PLAGL1: variants seen among roughly 807,000 people sequenced by gnomAD.
PLAGL1 encodes PLAG1 like zinc finger 1, also known as zinc finger protein PLAGL1.
PLAGL1 carries 1 observed loss-of-function variant against 4.6 expected under a neutral mutation model. That is an observed-to-expected ratio of 0.22 (90% CI 0.08 to 1.03). PLAGL1 has a LOEUF of 1.03. Ranked by LOEUF, PLAGL1 falls within the 50% of genes least tolerant of loss-of-function variation. PLAGL1 has a pLI of 0.58. For synonymous variants in PLAGL1, 240 were observed against 237.8 expected (o/e 1.01, Z -0.08); for missense variants, 464 against 570.4 (o/e 0.81, Z 1.90).
intron 7 of PLAGL1, among the ~76,000 whole-genome samples, chr6:143,943,952 C>G (rs1380763201): frequency 6.6e-6 from 1 of 152,178 alleles, no homozygotes; most frequent in Admixed American, 6.5e-5. Context: ...CATCCTTAAG[C>G]TTTAAAAAGG....
chr6:144,054,776 A>AGTGTGTGT (rs55975441), intron 1 of PLAGL1, among the ~76,000 whole-genome samples: 1,575 of 142,238 alleles, frequency 0.011, 18 homozygotes, highest in African/African-American at 0.034. Flanking sequence ...ACTAAAAAAG[A>AGTGTGTGT]GTGTGTGTGT....
At chr6:144,018,098 G>T (rs1010654644) in intron 1 of PLAGL1, among the ~76,000 whole-genome samples, 1 of 152,070 alleles carries the variant, frequency 6.6e-6, no homozygotes, top group African/African-American at 2.4e-5. Flanking sequence ...GTAGCCATCA[G>T]AGTAATAATG....
chr6:144,045,688 G>C (rs938087169), intron 1 of PLAGL1, among the ~76,000 whole-genome samples: 35 of 152,150 alleles, frequency 2.3e-4, no homozygotes, highest in Non-Finnish European at 4.4e-4. Flanking sequence ...TTCTCAAGGA[G>C]TATCTTTGTG....
In PLAGL1 at chr6:143,941,288, A is replaced by ATCATC. The variant is rs1778517408; in HGVS notation, c.*131_*135dup. 1.6e-6 allele frequency: 1 copy of ATCATC among 620,660 alleles called. No homozygotes were observed. Among genetic ancestry groups the ATCATC allele is most frequent in the African/African-American group, 1.8e-5 (1 of 54,252 alleles). The allele number at this position is 620,660 out of a possible 1,614,324, so 38.4% of individuals were successfully genotyped here. ...ATACATGCAGTTCGAGAATTCTCTT[A>ATCATC]TCATCTCAAGCCAGTCATCACTGAA... On this transcript the variant is annotated 3_prime_UTR_variant, in exon 8 of 8. Coordinates refer to ENST00000674357, the MANE Select transcript of PLAGL1 (RefSeq NM_001317162.2). This position sits in a 1 kb window ranked among gnomAD's most constrained non-coding sequence, Gnocchi z 6.0.
rs1791123596 is a variant in PLAGL1, at chr6:143,994,040, A to T, written c.-583-8866T>A. On this transcript the variant is annotated intron_variant, in intron 1 of 7. Coordinates refer to ENST00000674357, the MANE Select transcript of PLAGL1 (RefSeq NM_001317162.2). This position sits in a 1 kb window ranked among gnomAD's most constrained non-coding sequence, Gnocchi z 4.3. ...ATGTTCACTTCATATATGGCTAAGG[A>T]AAAAAAAAAAAAGAAAAGAACTCCC... 7.7e-6 allele frequency among the ~76,000 whole-genome samples: 1 copy of T among 129,210 alleles called. No individual in the cohort carries two copies. The highest frequency in any genetic ancestry group is 2.6e-5 in the African/African-American group (1 of 38,540). 84.8% of individuals were successfully genotyped at this position (129,210 alleles called of 152,430 possible). A position where few individuals can be genotyped will look rare whatever the true frequency, so the allele number is the denominator to read the frequency against.
intron 7 of PLAGL1, among the ~76,000 whole-genome samples, chr6:143,943,926 G>A (rs745379384): frequency 6.6e-6 from 1 of 152,144 alleles, no homozygotes; most frequent in African/African-American, 2.4e-5. Context: ...GTGGTATAAG[G>A]AAACCCTGAG....
intron 1 of PLAGL1, among the ~76,000 whole-genome samples, chr6:144,026,094 A>G (rs1004734092): frequency 6.6e-6 from 1 of 152,220 alleles, no homozygotes; most frequent in African/African-American, 2.4e-5. Flanking sequence ...CATATATTCA[A>G]TAAGCATTTA....
At chr6:144,058,220 A>C (rs372547518) in intron 1 of PLAGL1, among the ~76,000 whole-genome samples, 1 of 152,154 alleles carries the variant, frequency 6.6e-6, no homozygotes, top group South Asian at 2.1e-4. Context: ...ATGTCACATG[A>C]TGAGAGTAAG....
chr6:143,958,546 G>T lies in PLAGL1; in HGVS notation c.-325+1923C>A, dbSNP rs997251688. Among the ~76,000 whole-genome samples the T allele has an allele frequency of 2.0e-5, 3 of 152,112 alleles. No homozygotes were observed. Among genetic ancestry groups the T allele is most frequent in the Admixed American group, 6.5e-5 (1 of 15,270 alleles). ...CTGTCTGCCTCTCGGGACACAGGCC[G>T]TACTTTATTAGACACAATTATTTCA... On this transcript the variant is annotated intron_variant, in intron 6 of 7. Coordinates refer to ENST00000674357, the MANE Select transcript of PLAGL1 (RefSeq NM_001317162.2). This position sits in a 1 kb window ranked among gnomAD's most constrained non-coding sequence, Gnocchi z 5.1.
Position 143,989,066 on chromosome 6 carries a change from C to T in PLAGL1, c.-583-3892G>A, listed in dbSNP as rs771834746. Among the ~76,000 whole-genome samples, 5 of 152,196 alleles carry T rather than the reference C, an allele frequency of 3.3e-5. No individual in the cohort carries two copies. The highest frequency in any genetic ancestry group is 7.4e-5 in the Non-Finnish European group (5 of 68,014). On this transcript the variant is annotated intron_variant, in intron 1 of 7. Coordinates refer to ENST00000674357, the MANE Select transcript of PLAGL1 (RefSeq NM_001317162.2). The surrounding 1 kb of genome is among the most constrained non-coding windows in gnomAD (Gnocchi z 4.8). The stretch of plus-strand genomic sequence containing the variant: ...GGAGAAAAATTCAGAGTAGACCACT[C>T]AAAACCTATGCACTTTTGTAATCAC...
chr6:144,038,947 G>T (rs1021409199), intron 1 of PLAGL1, among the ~76,000 whole-genome samples: 5 of 152,120 alleles, frequency 3.3e-5, no homozygotes, highest in African/African-American at 7.2e-5. Context: ...TATGATATGT[G>T]AACTATATCT....
Position 143,966,028 on chromosome 6 carries a change from T to G in PLAGL1, c.-431+130A>C, listed in dbSNP as rs1330127161. On this transcript the variant is annotated intron_variant, in intron 4 of 7. Transcript: ENST00000674357. The surrounding 1 kb of genome is among the most constrained non-coding windows in gnomAD (Gnocchi z 6.0). ...AGTCAGTTAGGTCAGTGTAGAGAGATATTTCCGCATGCTAGAGGCAGATCC... is the reference window on the plus strand; with the variant it reads ...AGTCAGTTAGGTCAGTGTAGAGAGAGATTTCCGCATGCTAGAGGCAGATCC... The G allele has an allele frequency of 1.3e-5, 2 of 152,222 alleles. No homozygotes were observed. Among genetic ancestry groups the G allele is most frequent in the Non-Finnish European group, 2.9e-5 (2 of 68,058 alleles). 9.4% of individuals were successfully genotyped at this position (152,222 alleles called of 1,614,324 possible).
In PLAGL1 at chr6:144,062,031, T is replaced by C. The variant is rs868480868; in HGVS notation, c.-151+2437A>G. Among the ~76,000 whole-genome samples the C allele has an allele frequency of 1.3e-4, 20 of 152,338 alleles. 1 individual carries two copies. Among genetic ancestry groups the C allele is most frequent in the Admixed American group, 7.2e-4 (11 of 15,304 alleles). On this transcript the variant is annotated intron_variant, in intron 1 of 3. Transcript: ENST00000437412. ...CCCTTTATTAGGTTAACTTTAGACA[T>C]AGCTGAGACTTTTATGAAGATGAAA...
chr6:143,948,974 ATTTG>A lies in PLAGL1; in HGVS notation c.-324-518_-324-515del, dbSNP rs779555829. Among the ~76,000 whole-genome samples the A allele has an allele frequency of 2.0e-5, 3 of 152,148 alleles. No homozygotes were observed. Among genetic ancestry groups the A allele is most frequent in the Non-Finnish European group, 1.5e-5 (1 of 68,024 alleles). ...AAATAATTTGTATACACCTAAGTCA[ATTTG>A]TTTGTAAGATTACTCTGCAGAAGGG... is the stretch of plus-strand genomic sequence containing the variant. On this transcript the variant is annotated intron_variant, in intron 6 of 7. Coordinates refer to ENST00000674357, the MANE Select transcript of PLAGL1 (RefSeq NM_001317162.2). This position sits in a 1 kb window ranked among gnomAD's most constrained non-coding sequence, Gnocchi z 6.0.
intron 1 of PLAGL1, among the ~76,000 whole-genome samples, chr6:143,993,383 A>C (rs573443185): frequency 6.8e-6 from 1 of 148,056 alleles, no homozygotes; most frequent in South Asian, 2.2e-4. Flanking sequence ...TGACATGTGT[A>C]TTGGTTATTA....
At position 143,942,540 on chromosome 6, in the gene PLAGL1, C is replaced by T. The variant is rs1484417716; in HGVS notation, c.276G>A (p.Gly92=). 6.2e-7 allele frequency: 1 copy of T among 1,614,152 alleles called. No homozygotes were observed. The highest frequency in any genetic ancestry group is 1.1e-5 in the South Asian group (1 of 91,082). ...QTHDPNKMAF[G]CEECGKKYNT... ...TGTACTTCTTCCCACACTCCTCACA[C>T]CCAAAGGCCATTTTGTTGGGGTCGT... The change falls in exon 8 of 8, where the codon GGG becomes GGA. Residue 92 remains glycine (G), a synonymous_variant. Coordinates refer to ENST00000674357, the MANE Select transcript of PLAGL1 (RefSeq NM_001317162.2). The surrounding 1 kb of genome is among the most constrained non-coding windows in gnomAD (Gnocchi z 7.6).
At chr6:143,986,452 T>C (rs2128619994) in intron 1 of PLAGL1, among the ~76,000 whole-genome samples, 1 of 152,250 alleles carries the variant, frequency 6.6e-6, no homozygotes, top group East Asian at 1.9e-4. Flanking sequence ...TTAACATTCG[T>C]TGGGGATTGA....
At position 144,049,286 on chromosome 6, in the gene PLAGL1, C is replaced by T. The variant is rs115102084; in HGVS notation, c.-151+15182G>A. ...CACAACTTCCTGTCCTCTTCTGGGCCCTCCAATCTGTTCCAACCTCTGCCT... is the reference window on the plus strand; with the variant it reads ...CACAACTTCCTGTCCTCTTCTGGGCTCTCCAATCTGTTCCAACCTCTGCCT... On this transcript the variant is annotated intron_variant, in intron 1 of 3. Transcript: ENST00000437412. Among the ~76,000 whole-genome samples, 239 of 152,290 alleles carry T rather than the reference C, an allele frequency of 1.6e-3. 1 individual carries two copies. The highest frequency in any genetic ancestry group is 5.4e-3 in the African/African-American group (224 of 41,538).
chr6:143,974,437 CAATT>C (rs1276747773), intron 2 of PLAGL1, among the ~76,000 whole-genome samples: 5 of 151,842 alleles, frequency 3.3e-5, no homozygotes, highest in Non-Finnish European at 5.9e-5. Flanking sequence ...ATCTATTCAC[CAATT>C]ACTCACCTTG....
Sources: allele counts gnomAD v4.1 joint callset (sites outside exome capture counted in the v4.1 genomes callset), GRCh38; gene constraint gnomAD v4.1.1; non-coding constraint Gnocchi (gnomAD v3.1); transcripts MANE v1.5; gene names NCBI Gene and HGNC (gene_info 2026-07-23, HGNC 2026-07-21).